The following TMEM232 variants were observed in gnomAD, a reference collection of about 807,000 sequenced individuals.
TMEM232 encodes transmembrane protein 232.
A neutral mutation model predicts 78.8 loss-of-function variants in TMEM232; 80 were observed. The ratio of observed to expected loss-of-function variants is 1.01; its 90% confidence interval spans 0.85 to 1.22. TMEM232 has a LOEUF of 1.22. TMEM232 is among the 50% of genes most tolerant of loss of function. The pLI, the probability that TMEM232 is intolerant of heterozygous loss-of-function variation, is 0.00. For synonymous variants in TMEM232, 297 were observed against 254.3 expected (o/e 1.17, Z -1.60); for missense variants, 881 against 742.2 (o/e 1.19, Z -2.17).
At chr5:110,611,487 G>A (rs1283648871) in intron 8 of TMEM232, among the ~76,000 whole-genome samples, 3 of 152,094 alleles carry the variant, frequency 2.0e-5, no homozygotes, top group African/African-American at 7.2e-5. Context: ...CTCTCATCAG[G>A]GAAGGCAGAG....
At chr5:110,561,944 GC>G (rs1775796414) in intron 11 of TMEM232, among the ~76,000 whole-genome samples, 1 of 152,046 alleles carries the variant, frequency 6.6e-6, no homozygotes, top group Non-Finnish European at 1.5e-5. Context: ...TATAAGATTT[GC>G]CATTGCCTAT....
chr5:110,664,651 G>T (rs1790306116), intron 2 of TMEM232, among the ~76,000 whole-genome samples: 1 of 152,216 alleles, frequency 6.6e-6, no homozygotes, highest in Non-Finnish European at 1.5e-5. Flanking sequence ...TCCAGAAGCT[G>T]GGAAATCCAA....
chr5:110,693,828 T>C (rs2445862), intron 1 of TMEM232, among the ~76,000 whole-genome samples: 105,006 of 152,060 alleles, frequency 0.69, 38,555 homozygotes, highest in Middle Eastern at 0.82. Context: ...CTACGTCTGA[T>C]TGGTGTACCT....
intron 10 of TMEM232, among the ~76,000 whole-genome samples, chr5:110,593,535 A>G (rs1291796014): frequency 6.6e-6 from 1 of 152,160 alleles, no homozygotes; most frequent in African/African-American, 2.4e-5. Context: ...ATATGGAACT[A>G]GAGGTCATTA....
At chr5:110,689,357 A>G (rs550010742) in intron 1 of TMEM232, among the ~76,000 whole-genome samples, 1 of 152,314 alleles carries the variant, frequency 6.6e-6, no homozygotes, top group African/African-American at 2.4e-5. Flanking sequence ...CATAACTACT[A>G]TGTAAATTTT....
chr5:110,652,434 A>G (rs947469284), intron 2 of TMEM232, among the ~76,000 whole-genome samples: 2 of 152,222 alleles, frequency 1.3e-5, no homozygotes, highest in Non-Finnish European at 1.5e-5. Context: ...CTAAAGCAAG[A>G]TAACAGGCTT....
chr5:110,657,478 T>G (rs995449131), intron 2 of TMEM232, among the ~76,000 whole-genome samples: 1 of 152,050 alleles, frequency 6.6e-6, no homozygotes, highest in East Asian at 1.9e-4. Flanking sequence ...TGAACCTGGA[T>G]AACACTATGT....
chr5:110,602,699 T>C (rs1781081492), intron 10 of TMEM232, among the ~76,000 whole-genome samples: 2 of 151,950 alleles, frequency 1.3e-5, no homozygotes, highest in Admixed American at 6.6e-5. Context: ...TTGGTGGGAG[T>C]GTAAATTAGT....
intron 10 of TMEM232, among the ~76,000 whole-genome samples, chr5:110,573,950 C>A (rs1435531492): frequency 6.6e-6 from 1 of 152,094 alleles, no homozygotes; most frequent in Non-Finnish European, 1.5e-5. Context: ...TACTTAGATA[C>A]ACTCTGAATG....
At chr5:110,572,264 T>C (rs1459185793) in intron 10 of TMEM232, among the ~76,000 whole-genome samples, 1 of 152,044 alleles carries the variant, frequency 6.6e-6, no homozygotes, top group Non-Finnish European at 1.5e-5. Flanking sequence ...TAGTTTGTTG[T>C]AAAAATATGG....
At chr5:110,490,638 C>T (rs903225442) in intron 12 of TMEM232, among the ~76,000 whole-genome samples, 3 of 152,030 alleles carry the variant, frequency 2.0e-5, no homozygotes, top group Non-Finnish European at 4.4e-5. Flanking sequence ...AGCATAGAGG[C>T]AGATCAATTG....
At chr5:110,404,373 A>G (rs1022671675) in intron 2 of TMEM232, among the ~76,000 whole-genome samples, 3 of 152,212 alleles carry the variant, frequency 2.0e-5, no homozygotes, top group African/African-American at 7.2e-5. Context: ...GCAAGGAAAA[A>G]GTAAAAGATA....
upstream of TMEM232, among the ~76,000 whole-genome samples, chr5:110,731,100 G>C (rs1242621898): frequency 2.0e-5 from 3 of 152,132 alleles, no homozygotes; most frequent in African/African-American, 7.2e-5. Flanking sequence ...GGGGTTACAG[G>C]GCCCATGCAA....
chr5:110,448,269 T>C (rs1464636953), intron 12 of TMEM232, among the ~76,000 whole-genome samples: 2 of 152,072 alleles, frequency 1.3e-5, no homozygotes, highest in South Asian at 4.1e-4. Context: ...ACCCTCCTTA[T>C]ACTTTGCATA....
chr5:110,561,675 T>A (rs1246811899), intron 11 of TMEM232, among the ~76,000 whole-genome samples: 1 of 152,096 alleles, frequency 6.6e-6, no homozygotes, highest in Non-Finnish European at 1.5e-5. Flanking sequence ...TAGCATATAG[T>A]TCCCCAGGTC....
intron 2 of TMEM232, among the ~76,000 whole-genome samples, chr5:110,654,949 C>T (rs1322877896): frequency 6.6e-6 from 1 of 152,088 alleles, no homozygotes; most frequent in African/African-American, 2.4e-5. Context: ...ACCATAAAAT[C>T]CCTAGAAGAA....
chr5:110,687,987 A>G (rs1418506972), intron 1 of TMEM232, among the ~76,000 whole-genome samples: 1 of 152,158 alleles, frequency 6.6e-6, no homozygotes, highest in Non-Finnish European at 1.5e-5. Context: ...AAGTAGAGAC[A>G]TATAGGTGAT....
chr5:110,726,108 TCACACACA>T (rs3985014), intron 1 of TMEM232, among the ~76,000 whole-genome samples: 6 of 144,546 alleles, frequency 4.2e-5, no homozygotes, highest in Non-Finnish European at 6.1e-5. Flanking sequence ...CCTCTCTCTT[TCACACACA>T]CACACACACA....
chr5:110,702,065 C>T (rs968063477), intron 1 of TMEM232, among the ~76,000 whole-genome samples: 5 of 152,086 alleles, frequency 3.3e-5, no homozygotes, highest in South Asian at 2.1e-4. Flanking sequence ...CTAGCTGGAT[C>T]TCCAATTTTA....
Sources: allele counts gnomAD v4.1 joint callset (sites outside exome capture counted in the v4.1 genomes callset), GRCh38; gene constraint gnomAD v4.1.1; transcripts MANE v1.5; gene names NCBI Gene and HGNC (gene_info 2026-07-23, HGNC 2026-07-21).